Variants in RBFOX1 observed in about 807,000 individuals in gnomAD.
RBFOX1 encodes the protein RNA binding fox-1 homolog 1.
Under a neutral mutation model 57.7 loss-of-function variants are expected in RBFOX1, and 8 were observed. That is an observed-to-expected ratio of 0.14 (90% CI 0.08 to 0.25). The LOEUF (loss-of-function observed/expected upper bound fraction) is 0.25. RBFOX1 is among the 10% of genes least tolerant of loss of function. RBFOX1 has a pLI of 1.00. For missense variants in RBFOX1, 611 were observed against 548.5 expected (o/e 1.11, Z -1.14); for synonymous variants, 326 against 222.4 (o/e 1.47, Z -4.15).
At chr16:6,576,122 C>T (rs2097431866) in intron 2 of RBFOX1, among the ~76,000 whole-genome samples, 1 of 152,148 alleles carries the variant, frequency 6.6e-6, no homozygotes, top group African/African-American at 2.4e-5. Context: ...TTATGATTAG[C>T]ATCTACTTTA....
At chr16:5,403,360 A>C (rs867866502) in intron 1 of RBFOX1, among the ~76,000 whole-genome samples, 9 of 149,536 alleles carry the variant, frequency 6.0e-5, no homozygotes, top group Non-Finnish European at 1.2e-4. Context: ...AAAAAAAAAA[A>C]AAAAAAACAA....
intron 1 of RBFOX1, among the ~76,000 whole-genome samples, chr16:6,028,464 G>A (rs1303787279): frequency 2.0e-5 from 3 of 146,850 alleles, no homozygotes; most frequent in Non-Finnish European, 3.0e-5. Flanking sequence ...CTTGAGCCAG[G>A]AGTTGGAGAC....
intron 4 of RBFOX1, among the ~76,000 whole-genome samples, chr16:7,426,603 A>G (rs994777211): frequency 6.6e-6 from 1 of 152,170 alleles, no homozygotes; most frequent in Non-Finnish European, 1.5e-5. Flanking sequence ...GATCTCCCCC[A>G]ATAAAATTAG....
chr16:7,502,095 C>CT (rs35941951), intron 4 of RBFOX1, among the ~76,000 whole-genome samples: 10,007 of 149,758 alleles, frequency 0.067, 368 homozygotes, highest in East Asian at 0.14. Context: ...TTATGACAGC[C>CT]TTTTTTTTTT....
intron 2 of RBFOX1, among the ~76,000 whole-genome samples, chr16:6,621,313 A>T (rs1031464970): frequency 2.0e-5 from 3 of 151,910 alleles, no homozygotes; most frequent in African/African-American, 7.3e-5. Context: ...TACAAAAAAA[A>T]ATTAGCCAGG....
At chr16:6,668,391 G>T (rs1568131511) in intron 3 of RBFOX1, among the ~76,000 whole-genome samples, 1 of 152,194 alleles carries the variant, frequency 6.6e-6, no homozygotes, top group South Asian at 2.1e-4. Flanking sequence ...GGCATCTGAG[G>T]AGTAATACAA....
intron 12 of RBFOX1, among the ~76,000 whole-genome samples, chr16:7,663,485 CGTGTGTGTGTCAGTACAGCGTGTGT>C (rs1233725496): frequency 3.4e-5 from 5 of 148,652 alleles, no homozygotes; most frequent in South Asian, 2.2e-4. Context: ...GTCACAGCTG[CGTGTGTGTGTCAGTACAGCGTGTGT>C]GTGTGTGTGT....
rs771553946 is a variant in RBFOX1 at position 5,913,679 on chromosome 16, A to C, written c.351+46344A>C. Among the ~76,000 whole-genome samples, 35 of 152,214 alleles carry C rather than the reference A, an allele frequency of 2.3e-4. 1 individual carries two copies. The highest frequency in any genetic ancestry group is 5.0e-4 in the Non-Finnish European group (34 of 68,042). On this transcript the variant is annotated intron_variant, in intron 4 of 19. Transcript: ENST00000641259. ...CTCAGGTATTCCTCTGTAGCAATGC[A>C]AAACAGGCTAACACAGGTGTATCAC...
intron 3 of RBFOX1, among the ~76,000 whole-genome samples, chr16:5,850,034 C>T (rs779977896): frequency 4.6e-5 from 7 of 152,176 alleles, no homozygotes; most frequent in Non-Finnish European, 1.5e-5. Flanking sequence ...AGTTTTGAAA[C>T]ACCTTCTGTC....
At chr16:7,128,256 G>A (rs1352645049) in intron 4 of RBFOX1, among the ~76,000 whole-genome samples, 4 of 152,176 alleles carry the variant, frequency 2.6e-5, no homozygotes, top group Admixed American at 6.5e-5. Flanking sequence ...TATGAACTCT[G>A]TTATTTCCTT....
chr16:7,292,100 A>G (rs1176020532), intron 4 of RBFOX1, among the ~76,000 whole-genome samples: 1 of 137,190 alleles, frequency 7.3e-6, no homozygotes, highest in South Asian at 2.2e-4. Context: ...TATATAATAT[A>G]TCATGTATTA....
chr16:7,145,025 T>C (rs1028452598), intron 4 of RBFOX1, among the ~76,000 whole-genome samples: 1 of 152,136 alleles, frequency 6.6e-6, no homozygotes, highest in East Asian at 1.9e-4. Context: ...AAAAAGGTTT[T>C]GTTCTGGGCA....
At position 7,474,744 on chromosome 16, in the gene RBFOX1, G is replaced by T. The variant is rs145207250; in HGVS notation, c.28-43403G>T. Reference sequence around the variant, plus strand: ...TTTCTTCTGTAAAATGGGCATAATCGTAGAACTGGACTTCTAGAATGTCTG... The same window carrying T: ...TTTCTTCTGTAAAATGGGCATAATCTTAGAACTGGACTTCTAGAATGTCTG... On this transcript the variant is annotated intron_variant, in intron 4 of 15. Coordinates refer to ENST00000550418, the MANE Select transcript of RBFOX1 (RefSeq NM_018723.4). 2.8e-3 allele frequency among the ~76,000 whole-genome samples: 419 copies of T among 152,190 alleles called. 3 individuals are homozygous for T. The highest frequency in any genetic ancestry group is 9.5e-3 in the African/African-American group (396 of 41,532).
intron 3 of RBFOX1, among the ~76,000 whole-genome samples, chr16:5,679,853 G>T (rs1244141552): frequency 1.3e-5 from 2 of 152,114 alleles, no homozygotes; most frequent in African/African-American, 4.8e-5. Context: ...GTTGTAGTGA[G>T]GCTTATATTA....
intron 4 of RBFOX1, among the ~76,000 whole-genome samples, chr16:7,283,179 A>G (rs1039368430): frequency 6.6e-6 from 1 of 151,816 alleles, no homozygotes; most frequent in Non-Finnish European, 1.5e-5. Flanking sequence ...TCTCCACATG[A>G]TTTTCCATAG....
At chr16:5,997,000 C>T (rs370070619) in intron 4 of RBFOX1, among the ~76,000 whole-genome samples, 2 of 151,010 alleles carry the variant, frequency 1.3e-5, no homozygotes, top group African/African-American at 4.9e-5. Flanking sequence ...TCCAAACCCA[C>T]CAGGAAGCAC....
intron 2 of RBFOX1, among the ~76,000 whole-genome samples, chr16:6,550,314 C>A (rs1387104345): frequency 6.6e-6 from 1 of 152,098 alleles, no homozygotes. Context: ...ACAGCTGGGT[C>A]TACAGGTGTG....
At chr16:5,703,482 A>G (rs1213600473) in intron 3 of RBFOX1, among the ~76,000 whole-genome samples, 1 of 152,182 alleles carries the variant, frequency 6.6e-6, no homozygotes, top group African/African-American at 2.4e-5. Context: ...GCCAGAGTAC[A>G]AATATCACAG....
At chr16:5,526,342 G>T (rs2044245141) in intron 2 of RBFOX1, among the ~76,000 whole-genome samples, 1 of 152,140 alleles carries the variant, frequency 6.6e-6, no homozygotes. Context: ...AGGCTGGAGT[G>T]CAATGGCACA....
Sources: allele counts gnomAD v4.1 joint callset (sites outside exome capture counted in the v4.1 genomes callset), GRCh38; gene constraint gnomAD v4.1.1; transcripts MANE v1.5; gene names NCBI Gene and HGNC (gene_info 2026-07-23, HGNC 2026-07-21).